APEX1: variants seen among roughly 807,000 people sequenced by gnomAD.
The protein encoded by APEX1 is DNA repair nuclease/redox regulator APEX1.
Under a neutral mutation model 33.2 loss-of-function variants are expected in APEX1, and 32 were observed. That is an observed-to-expected ratio of 0.96 (90% CI 0.73 to 1.29). The LOEUF is 1.29. Among genes scored for constraint, APEX1 ranks in the 50% most tolerant of loss-of-function variants. The pLI, the probability that APEX1 is intolerant of heterozygous loss-of-function variation, is 0.00. For missense variants in APEX1, 442 were observed against 395.6 expected (o/e 1.12, Z -0.99); for synonymous variants, 175 against 156.6 (o/e 1.12, Z -0.88).
Position 20,457,601 on chromosome 14 carries a change from T to C in APEX1, c.*93T>C. On this transcript the variant is annotated 3_prime_UTR_variant, in exon 5 of 5. Coordinates refer to ENST00000216714, the MANE Select transcript of APEX1 (RefSeq NM_001641.4). Reference sequence around the variant, plus strand: ...TCTTCAGAGAAATCTGCATTCTATTTCTCATGTATAAAACTAGGAATCCTC... The same window carrying C: ...TCTTCAGAGAAATCTGCATTCTATTCCTCATGTATAAAACTAGGAATCCTC... The C allele has an allele frequency of 6.6e-7, 1 of 1,511,962 alleles. No homozygotes were observed. The highest frequency in any genetic ancestry group is 9.1e-7 in the Non-Finnish European group (1 of 1,099,078). The allele number at this position is 1,511,962 out of a possible 1,614,324, so 93.7% of individuals were successfully genotyped here. A position where few individuals can be genotyped will look rare whatever the true frequency, so the allele number is the denominator to read the frequency against.
Position 20,457,229 on chromosome 14 carries a change from CAA to C in APEX1, c.682_683del (p.Lys228GlufsTer23). The C allele has an allele frequency of 6.2e-7, 1 of 1,614,172 alleles. No individual in the cohort carries two copies. Among genetic ancestry groups the C allele is most frequent in the Non-Finnish European group, 8.5e-7 (1 of 1,180,014 alleles). ...EIDLRNPKGN[K>X]KNAGFTPQER... is the part of the protein sequence containing the mutation. ...TTGACCTTCGCAACCCCAAGGGGAACAAAAAGAATGCTGGCTTCACGCCACAA... is the reference window on the plus strand; with the variant it reads ...TTGACCTTCGCAACCCCAAGGGGAACAAAGAATGCTGGCTTCACGCCACAA... On this transcript the variant is annotated frameshift_variant, in exon 5 of 5. Coordinates refer to ENST00000216714, the MANE Select transcript of APEX1 (RefSeq NM_001641.4). LOFTEE classifies it high-confidence loss of function.
At chr14:20,456,637 A>G in intron 3 of APEX1, 31 bp from the exon 4 acceptor site, 1 of 1,591,212 alleles carries the variant, frequency 6.3e-7, no homozygotes. Context: ...TGAATTGATA[A>G]TACGTTTTCC....
Position 20,456,001 on chromosome 14 carries a change from C to T in APEX1, c.146C>T (p.Pro49Leu). 6.2e-7 allele frequency: 1 copy of T among 1,614,170 alleles called. No individual in the cohort carries two copies. The highest frequency in any genetic ancestry group is 1.1e-5 in the South Asian group (1 of 91,076). ...GGCCCAGCCCTGTATGAGGACCCCC[C>T]AGATCAGAAAACCTCACCCAGTGGC... The part of the protein sequence containing the change: ...GEGPALYEDP[P>L]DQKTSPSGKP... Residue 49 changes from proline (P) to leucine (L), a missense_variant, in exon 3 of 5, where the codon CCA (proline) becomes CTA (leucine). Physicochemically the swap from Pro to Leu is moderately conservative, Grantham distance 98 (BLOSUM62 -3). Coordinates refer to ENST00000216714, the MANE Select transcript of APEX1 (RefSeq NM_001641.4).
Position 20,455,660 on chromosome 14 carries a change from G to GA in APEX1, c.20dup (p.Ala9SerfsTer8). 6.2e-7 allele frequency: 1 copy of GA among 1,613,902 alleles called. No individual in the cohort carries two copies. Among genetic ancestry groups the GA allele is most frequent in the Non-Finnish European group, 8.5e-7 (1 of 1,180,038 alleles). On this transcript the variant is annotated frameshift_variant, in exon 2 of 5. Transcript: ENST00000216714. LOFTEE classifies it high-confidence loss of function. Reference sequence around the variant, plus strand: ...TCGTAACGGGAATGCCGAAGCGTGGGAAAAAGGGAGCGGTGGCGGAAGACG... The same window carrying GA: ...TCGTAACGGGAATGCCGAAGCGTGGGAAAAAAGGGAGCGGTGGCGGAAGACG...
chr14:20,455,838 G>C (rs1382050802), intron 2 of APEX1, 76 bp from the exon 3 acceptor site: 8 of 1,613,714 alleles, frequency 5.0e-6, no homozygotes, highest in Non-Finnish European at 6.8e-6. Flanking sequence ...GTAGGCTTTC[G>C]TTGGGTCTAT....
intron 3 of APEX1, among the ~76,000 whole-genome samples, chr14:20,456,358 C>G (rs1355553824): frequency 6.6e-6 from 1 of 152,206 alleles, no homozygotes; most frequent in Non-Finnish European, 1.5e-5. Flanking sequence ...TCCATTTTAT[C>G]TTCCTGCATT....
At position 20,457,275 on chromosome 14, in the gene APEX1, G is replaced by A. The variant is rs757918457; in HGVS notation, c.724G>A (p.Glu242Lys). The A allele has an allele frequency of 5.6e-6, 9 of 1,614,108 alleles. No individual in the cohort carries two copies. The African/African-American group carries it at 1.2e-4, about 22-fold the overall frequency. ...FTPQERQGFG[E>K]LLQAVPLADS... Reference sequence around the variant, plus strand: ...GCCACAAGAGCGCCAAGGCTTCGGGGAATTACTGCAGGCTGTGCCACTGGC... The same window carrying A: ...GCCACAAGAGCGCCAAGGCTTCGGGAAATTACTGCAGGCTGTGCCACTGGC... Residue 242 changes from glutamate (E) to lysine (K), a missense_variant, in exon 5 of 5, where the codon GAA (glutamate) becomes AAA (lysine). Coordinates refer to ENST00000216714, the MANE Select transcript of APEX1 (RefSeq NM_001641.4).
Position 20,457,073 on chromosome 14 carries a change from T to A in APEX1, c.522T>A (p.Asn174Lys), listed in dbSNP as rs1017230745. 1 of 1,614,228 alleles carries A rather than the reference T, an allele frequency of 6.2e-7. No homozygotes were observed. Among genetic ancestry groups the A allele is most frequent in the Non-Finnish European group, 8.5e-7 (1 of 1,180,030 alleles). ...TGCTGGTAACAGCATATGTACCTAA[T>A]GCAGGCCGAGGTCTGGTACGACTGG... ...SFVLVTAYVPNAGRGLVRLEY... is the reference protein window; with the variant it reads ...SFVLVTAYVPKAGRGLVRLEY... The change falls in exon 5 of 5, where the codon AAT becomes AAA. Residue 174 changes from asparagine (N) to lysine (K), a missense_variant. Transcript: ENST00000216714.
chr14:20,457,068 C>T lies in APEX1; in HGVS notation c.517C>T (p.Pro173Ser), dbSNP rs773873257. The change falls in exon 5 of 5, where the codon CCT (proline) becomes TCT (serine). Residue 173 changes from proline to serine, a missense_variant. Transcript: ENST00000216714. ...DSFVLVTAYV[P>S]NAGRGLVRLE... ...GTTTGTGCTGGTAACAGCATATGTA[C>T]CTAATGCAGGCCGAGGTCTGGTACG... 3 of 1,614,176 alleles carry T rather than the reference C, an allele frequency of 1.9e-6. No homozygotes were observed. The highest frequency in any genetic ancestry group is 4.5e-5 in the East Asian group (2 of 44,892).
At position 20,455,682 on chromosome 14, in the gene APEX1, G is replaced by A. The variant is rs1309836140; in HGVS notation, c.37G>A (p.Asp13Asn). 1 of 1,614,172 alleles carries A rather than the reference G, an allele frequency of 6.2e-7. No individual in the cohort carries two copies. Among genetic ancestry groups the A allele is most frequent in the Admixed American group, 1.7e-5 (1 of 60,032 alleles). Reference sequence around the variant, plus strand: ...TGGGAAAAAGGGAGCGGTGGCGGAAGACGGGGATGAGCTCAGGACAGGTAA... The same window carrying A: ...TGGGAAAAAGGGAGCGGTGGCGGAAAACGGGGATGAGCTCAGGACAGGTAA... ...KRGKKGAVAE[D>N]GDELRTEPEA... The change falls in exon 2 of 5, where the codon GAC becomes AAC. Residue 13 changes from aspartate (D) to asparagine (N), a missense_variant. Transcript: ENST00000216714.
chr14:20,457,274 G>A lies in APEX1; in HGVS notation c.723G>A (p.Gly241=). The A allele has an allele frequency of 6.2e-7, 1 of 1,614,214 alleles. No homozygotes were observed. The highest frequency in any genetic ancestry group is 8.5e-7 in the Non-Finnish European group (1 of 1,180,048). Reference sequence around the variant, plus strand: ...CGCCACAAGAGCGCCAAGGCTTCGGGGAATTACTGCAGGCTGTGCCACTGG... The same window carrying A: ...CGCCACAAGAGCGCCAAGGCTTCGGAGAATTACTGCAGGCTGTGCCACTGG... ...GFTPQERQGF[G]ELLQAVPLAD... The change falls in exon 5 of 5, where the codon GGG becomes GGA. Residue 241 remains glycine, a synonymous_variant. Transcript: ENST00000216714.
intron 4 of APEX1, 36 bp from the exon 5 acceptor site, chr14:20,456,951 TCTTA>T (rs767995071): frequency 5.0e-6 from 8 of 1,607,270 alleles, no homozygotes; most frequent in Non-Finnish European, 6.8e-6. Context: ...CTTTCCCTTT[TCTTA>T]TAGTTTTTTA....
rs765551804 is a variant in APEX1, at chr14:20,457,155, C to G, written c.604C>G (p.Arg202Gly). ...CAAGTTCCTGAAGGGCCTGGCTTCC[C>G]GAAAGCCCCTTGTGCTGTGTGGAGA... ...FRKFLKGLAS[R>G]KPLVLCGDLN... The change falls in exon 5 of 5, where the codon CGA becomes GGA. Residue 202 changes from arginine to glycine, a missense_variant. By Grantham distance (125) the Arg-to-Gly change is moderately radical. Transcript: ENST00000216714. 6.2e-7 allele frequency: 1 copy of G among 1,614,110 alleles called. No homozygotes were observed. Among genetic ancestry groups the G allele is most frequent in the Non-Finnish European group, 8.5e-7 (1 of 1,180,020 alleles).
At chr14:20,456,241 CCAGTTGT>C in intron 3 of APEX1, 140 bp downstream of exon 3, 1 of 958,590 alleles carries the variant, frequency 1.0e-6, no homozygotes, top group South Asian at 1.4e-5. Flanking sequence ...CCCAGTCTTG[CCAGTTGT>C]ATTTCCTAAA....
chr14:20,456,682 A>G lies in APEX1; in HGVS notation c.261A>G (p.Glu87=). The G allele has an allele frequency of 6.2e-7, 1 of 1,614,180 alleles. No homozygotes were observed. Residue 87 remains glutamate (E), a synonymous_variant, in exon 4 of 5, where the codon GAA becomes GAG. Coordinates refer to ENST00000216714, the MANE Select transcript of APEX1 (RefSeq NM_001641.4). ...TTCACTTACAGTGGGTAAAGGAAGA[A>G]GCCCCAGATATACTGTGCCTTCAAG... is the stretch of plus-strand genomic sequence containing the variant. ...KKKGLDWVKE[E]APDILCLQET... is the part of the protein sequence containing the mutation.
chr14:20,455,437 C>T (rs1016512714), intron 1 of APEX1, 43 bp downstream of exon 1: 5 of 740,226 alleles, frequency 6.8e-6, no homozygotes, highest in Non-Finnish European at 1.1e-5. Flanking sequence ...GGGTGAGGGG[C>T]TGAAGGGCCT....
In APEX1 at chr14:20,457,590, T is replaced by C. The variant is rs901275905; in HGVS notation, c.*82T>C. ...TCTTTAAACACTCTTCAGAGAAATC[T>C]GCATTCTATTTCTCATGTATAAAAC... On this transcript the variant is annotated 3_prime_UTR_variant, in exon 5 of 5. Transcript: ENST00000216714. 6.6e-7 allele frequency: 1 copy of C among 1,526,676 alleles called. No individual in the cohort carries two copies. The highest frequency in any genetic ancestry group is 9.0e-7 in the Non-Finnish European group (1 of 1,110,946). 94.6% of individuals were successfully genotyped at this position (1,526,676 alleles called of 1,614,324 possible).
rs1332163654 is a variant in APEX1, at chr14:20,455,336, T to G, written c.-127T>G. 6.1e-6 allele frequency: 3 copies of G among 492,710 alleles called. No individual in the cohort carries two copies. The highest frequency in any genetic ancestry group is 1.1e-5 in the Non-Finnish European group (3 of 271,006). The allele number at this position is 492,710 out of a possible 1,614,324, so 30.5% of individuals were successfully genotyped here. On this transcript the variant is annotated 5_prime_UTR_variant, in exon 1 of 5. Coordinates refer to ENST00000216714, the MANE Select transcript of APEX1 (RefSeq NM_001641.4). ...TCGCTGGCAGTCTGAACGGCAAGCT[T>G]GAGTCAGGACCCTTAATTAAGATCC...
intron 3 of APEX1, among the ~76,000 whole-genome samples, chr14:20,456,324 CAA>C (rs896924148): frequency 2.9e-4 from 44 of 152,296 alleles, no homozygotes; most frequent in Middle Eastern, 3.4e-3. Context: ...CAGAATGTTG[CAA>C]AAACCTCTTC....
Sources: gnomAD v4.1 joint callset for allele counts (sites outside exome capture counted in the v4.1 genomes callset) on GRCh38, gnomAD v4.1.1 for gene constraint, MANE v1.5 for transcripts, NCBI Gene and HGNC (gene_info 2026-07-23, HGNC 2026-07-21) for gene names.